Variants in CCDC178 observed in about 807,000 individuals in gnomAD.
The protein encoded by CCDC178 is coiled-coil domain containing 178, also known as coiled-coil domain-containing protein 178.
In CCDC178, 126 loss-of-function variants were observed where a neutral mutation model predicts 117.4. The observed-to-expected ratio is 1.07, with a 90% CI of 0.93 to 1.24. The LOEUF (loss-of-function observed/expected upper bound fraction) is 1.24, where lower values mean the gene tolerates loss of function less well. Ranked by LOEUF, CCDC178 falls within the 50% of genes most tolerant of loss-of-function variation. CCDC178 has a pLI of 0.00. For synonymous variants in CCDC178, 283 were observed against 313.4 expected, an observed-to-expected ratio of 0.90 and a Z score of 1.02; for missense variants, 1,030 against 986.9, an observed-to-expected ratio of 1.04 and a Z score of -0.59.
intron 21 of CCDC178, among the ~76,000 whole-genome samples, chr18:33,002,404 T>C (rs563168933): frequency 1.3e-4 from 19 of 151,154 alleles, no homozygotes; most frequent in African/African-American, 4.6e-4. Context: ...TAAACAAACA[T>C]ATGGAATTAA....
intron 14 of CCDC178, among the ~76,000 whole-genome samples, chr18:33,262,978 T>G (rs2059769728): frequency 6.6e-6 from 1 of 152,146 alleles, no homozygotes; most frequent in Non-Finnish European, 1.5e-5. Flanking sequence ...ACCTTAGAAC[T>G]TTGAGTTCCT....
At chr18:32,951,333 A>G (rs2054477909) in intron 22 of CCDC178, among the ~76,000 whole-genome samples, 1 of 152,210 alleles carries the variant, frequency 6.6e-6, no homozygotes, top group Admixed American at 6.5e-5. Flanking sequence ...TGGGTAATTT[A>G]TAAAGAAAAG....
chr18:33,003,471 G>C (rs2055683721), intron 21 of CCDC178, among the ~76,000 whole-genome samples: 1 of 152,054 alleles, frequency 6.6e-6, no homozygotes, highest in African/African-American at 2.4e-5. Flanking sequence ...AAAAACATTT[G>C]ATAAAATTTA....
intron 12 of CCDC178, among the ~76,000 whole-genome samples, chr18:33,272,547 CTA>C (rs2059903042): frequency 6.6e-6 from 1 of 151,566 alleles, no homozygotes; most frequent in Non-Finnish European, 1.5e-5. Context: ...CCAGCTTATT[CTA>C]TGAGGCAGTC....
At chr18:33,182,130 C>T (rs1421503684) in intron 20 of CCDC178, among the ~76,000 whole-genome samples, 2 of 151,876 alleles carry the variant, frequency 1.3e-5, no homozygotes, top group Non-Finnish European at 2.9e-5. Context: ...TCAGTTTTAT[C>T]ATGGAATATA....
chr18:33,175,494 C>T (rs1343093938), intron 20 of CCDC178, among the ~76,000 whole-genome samples: 1 of 152,144 alleles, frequency 6.6e-6, no homozygotes, highest in East Asian at 1.9e-4. Flanking sequence ...GTGTCCCCCT[C>T]CATGCCCAAC....
intron 20 of CCDC178, among the ~76,000 whole-genome samples, chr18:33,160,230 T>G (rs2058446085): frequency 6.6e-6 from 1 of 152,264 alleles, no homozygotes; most frequent in African/African-American, 2.4e-5. Flanking sequence ...AAATTAAAAT[T>G]TATTATTCAT....
chr18:33,154,707 A>C (rs773660937), intron 20 of CCDC178, among the ~76,000 whole-genome samples: 2 of 152,206 alleles, frequency 1.3e-5, no homozygotes, highest in South Asian at 4.1e-4. Flanking sequence ...TGCAAGGTAC[A>C]CCACATACCA....
intron 20 of CCDC178, among the ~76,000 whole-genome samples, chr18:33,202,116 C>T (rs1032600303): frequency 2.0e-5 from 3 of 151,960 alleles, no homozygotes; most frequent in Admixed American, 6.5e-5. Flanking sequence ...CTCTACTGGC[C>T]GGGCGCGGTG....
Position 33,389,565 on chromosome 18 carries a change from A to T in CCDC178, c.183T>A (p.His61Gln), listed in dbSNP as rs1473884082. Residue 61 changes from histidine to glutamine, a missense_variant, in exon 5 of 23, where the codon CAT becomes CAA. His to Gln is a conservative substitution (Grantham distance 24). Transcript: ENST00000383096. ...CTTCAGTATTTGTCATTTTACTTTC[A>T]TGAAAACCTTCACTGTTCTCCTTAG... is the stretch of plus-strand genomic sequence containing the variant. Reference protein sequence around the residue: ...GASKENSEGFHESKMTNTEGV... With the variant: ...GASKENSEGFQESKMTNTEGV... 1 of 1,522,580 alleles carries T rather than the reference A, an allele frequency of 6.6e-7. No individual in the cohort carries two copies. Among genetic ancestry groups the T allele is most frequent in the East Asian group, 2.4e-5 (1 of 41,184 alleles). 94.3% of individuals were successfully genotyped at this position (1,522,580 alleles called of 1,614,324 possible).
intron 20 of CCDC178, among the ~76,000 whole-genome samples, chr18:33,095,249 A>G (rs914975438): frequency 6.6e-6 from 1 of 151,990 alleles, no homozygotes; most frequent in Non-Finnish European, 1.5e-5. Context: ...AATTCCAATT[A>G]TTAATACTTA....
At chr18:33,272,577 C>T (rs532678612) in intron 12 of CCDC178, among the ~76,000 whole-genome samples, 36 of 151,642 alleles carry the variant, frequency 2.4e-4, no homozygotes, top group African/African-American at 8.7e-4. Flanking sequence ...GATAGCATAT[C>T]CTGACAAGAC....
chr18:32,982,613 T>G (rs879763115), intron 21 of CCDC178, among the ~76,000 whole-genome samples: 1 of 152,134 alleles, frequency 6.6e-6, no homozygotes, highest in Non-Finnish European at 1.5e-5. Context: ...TTATAAAAAC[T>G]GGAATTTATA....
In CCDC178 at chr18:33,438,936, T is replaced by C. The variant is rs571078426; in HGVS notation, c.-23+1026A>G. On this transcript the variant is annotated intron_variant, in intron 2 of 22. Coordinates refer to ENST00000383096, the MANE Select transcript of CCDC178 (RefSeq NM_001105528.4). ...ACAAATATGGATTTTCCCCCAGAAA[T>C]TGTCTTTCCTAGAGGGCTCCTGTTT... Among the ~76,000 whole-genome samples, 14 of 152,242 alleles carry C rather than the reference T, an allele frequency of 9.2e-5. No homozygotes were observed. The East Asian group carries it at 2.1e-3, about 23-fold the overall frequency.
rs555317265 is a variant in CCDC178, at chr18:33,119,253, C to T, written c.2239-26343G>A. 3.9e-5 allele frequency among the ~76,000 whole-genome samples: 6 copies of T among 152,234 alleles called. No homozygotes were observed. The East Asian group carries it at 1.2e-3, about 29-fold the overall frequency. On this transcript the variant is annotated intron_variant, in intron 20 of 22. Coordinates refer to ENST00000383096, the MANE Select transcript of CCDC178 (RefSeq NM_001105528.4). ...AACTACCATCAGAGTGAACAGGCAA[C>T]CCACAGAATGGGAGAAAATTTTTGC...
chr18:33,120,164 C>A (rs2057917364), intron 20 of CCDC178, among the ~76,000 whole-genome samples: 1 of 151,484 alleles, frequency 6.6e-6, no homozygotes, highest in Non-Finnish European at 1.5e-5. Flanking sequence ...TGCACATGTA[C>A]CCTACAACTT....
intron 20 of CCDC178, among the ~76,000 whole-genome samples, chr18:33,122,043 T>C (rs1376844055): frequency 6.6e-6 from 1 of 152,166 alleles, no homozygotes. Context: ...TTTGTATCAG[T>C]ATACTTACTC....
intron 12 of CCDC178, among the ~76,000 whole-genome samples, chr18:33,284,972 A>G (rs2144842285): frequency 6.6e-6 from 1 of 152,126 alleles, no homozygotes; most frequent in East Asian, 1.9e-4. Flanking sequence ...AAAACAGGGA[A>G]GTGAAAAGTA....
At chr18:32,945,553 G>A (rs572095500) in intron 22 of CCDC178, among the ~76,000 whole-genome samples, 112 of 152,140 alleles carry the variant, frequency 7.4e-4, no homozygotes, top group Non-Finnish European at 1.1e-3. Flanking sequence ...AAAAACTAAG[G>A]TGTTTCAGCT....
Sources: gnomAD v4.1 joint callset for allele counts (sites outside exome capture counted in the v4.1 genomes callset) on GRCh38, gnomAD v4.1.1 for gene constraint, MANE v1.5 for transcripts, NCBI Gene and HGNC (gene_info 2026-07-23, HGNC 2026-07-21) for gene names.